The following MKLN1 variants were observed in gnomAD, a reference collection of about 807,000 sequenced individuals.
MKLN1 encodes muskelin.
A neutral mutation model predicts 99.0 loss-of-function variants in MKLN1; 18 were observed. That is an observed-to-expected ratio of 0.18 (90% CI 0.13 to 0.27). The LOEUF is 0.27. Ranked by LOEUF, MKLN1 falls within the 10% of genes least tolerant of loss-of-function variation. MKLN1 has a pLI of 1.00. For synonymous variants in MKLN1, 288 were observed against 293.2 expected (o/e 0.98, Z 0.18); for missense variants, 621 against 875.9 (o/e 0.71, Z 3.67).
At chr7:131,118,078 G>A (rs961876634) in intron 1 of MKLN1, among the ~76,000 whole-genome samples, 1 of 152,178 alleles carries the variant, frequency 6.6e-6, no homozygotes, top group African/African-American at 2.4e-5. Context: ...TCCCTCATGA[G>A]CCTATTGATG....
intron 3 of MKLN1, among the ~76,000 whole-genome samples, chr7:131,305,425 TGATGCAA>T (rs1798440800): frequency 6.6e-6 from 1 of 152,204 alleles, no homozygotes; most frequent in Non-Finnish European, 1.5e-5. Context: ...GGAAGAAATG[TGATGCAA>T]TCCAACAGGA....
At position 131,242,382 on chromosome 7, in the gene MKLN1, A is replaced by T. The variant is rs111860833; in HGVS notation, c.-179+39408A>T. On this transcript the variant is annotated intron_variant, in intron 3 of 7. Transcript: ENST00000416992. ...AGACTCCATCTCTACAAAAAATTTT[A>T]AAAATTAGCTGGTTATGGTGGGGCA... Among the ~76,000 whole-genome samples the T allele has an allele frequency of 5.8e-3, 876 of 152,192 alleles. 5 individuals carry two copies. Among genetic ancestry groups the T allele is most frequent in the African/African-American group, 0.02 (838 of 41,536 alleles).
chr7:131,408,210 C>T (rs1457996782), intron 6 of MKLN1, among the ~76,000 whole-genome samples: 1 of 152,002 alleles, frequency 6.6e-6, no homozygotes, highest in African/African-American at 2.4e-5. Context: ...CTAAGCTTTA[C>T]CGTCTTAGTA....
chr7:131,257,314 G>A (rs1228300687), intron 3 of MKLN1, among the ~76,000 whole-genome samples: 1 of 152,130 alleles, frequency 6.6e-6, no homozygotes, highest in Non-Finnish European at 1.5e-5. Flanking sequence ...AATAAGACAA[G>A]TGTGATAAAT....
intron 3 of MKLN1, among the ~76,000 whole-genome samples, chr7:131,228,937 G>A (rs1011027209): frequency 6.6e-6 from 1 of 152,188 alleles, no homozygotes; most frequent in African/African-American, 2.4e-5. Flanking sequence ...AGAAGTGACT[G>A]TAGCCCAGAG....
At chr7:131,175,350 A>G (rs569488651) in intron 2 of MKLN1, among the ~76,000 whole-genome samples, 93 of 152,338 alleles carry the variant, frequency 6.1e-4, no homozygotes, top group Middle Eastern at 3.4e-3. Context: ...CAATAGCTTA[A>G]GCAAAGACAG....
At chr7:131,310,839 C>T (rs1455193450) in intron 3 of MKLN1, 3 of 152,108 alleles carry the variant, frequency 2.0e-5, no homozygotes, top group East Asian at 3.8e-4. Flanking sequence ...AATAAGAGTA[C>T]TCATGAATAG....
At chr7:131,404,088 A>G (rs1406371247) in intron 6 of MKLN1, among the ~76,000 whole-genome samples, 1 of 152,134 alleles carries the variant, frequency 6.6e-6, no homozygotes, top group East Asian at 1.9e-4. Context: ...CTTTTCAGGT[A>G]TTGTATTTGA....
intron 2 of MKLN1, among the ~76,000 whole-genome samples, chr7:131,195,963 A>G (rs1176671377): frequency 6.6e-6 from 1 of 152,030 alleles, no homozygotes; most frequent in African/African-American, 2.4e-5. Flanking sequence ...AACAACAACA[A>G]CAACAAAAAC....
intron 1 of MKLN1, among the ~76,000 whole-genome samples, chr7:131,365,591 C>T (rs181222360): frequency 6.6e-6 from 1 of 152,062 alleles, no homozygotes; most frequent in Non-Finnish European, 1.5e-5. Context: ...ACATTTAAGT[C>T]TTTAATCTAT....
intron 2 of MKLN1, among the ~76,000 whole-genome samples, chr7:131,185,281 AC>A (rs1796432234): frequency 6.6e-6 from 1 of 152,046 alleles, no homozygotes. Flanking sequence ...CATCTTTTAA[AC>A]TACTTTCCCT....
chr7:131,297,955 T>C (rs1038884812), intron 3 of MKLN1, among the ~76,000 whole-genome samples: 1 of 152,194 alleles, frequency 6.6e-6, no homozygotes, highest in Non-Finnish European at 1.5e-5. Flanking sequence ...TCTTTGCCTC[T>C]TTGTGGAATT....
chr7:131,245,925 C>A (rs1797480388), intron 3 of MKLN1, among the ~76,000 whole-genome samples: 2 of 152,246 alleles, frequency 1.3e-5, no homozygotes, highest in African/African-American at 4.8e-5. Context: ...CCTCAGAGAC[C>A]ATCCTGTCCA....
At chr7:131,315,042 A>C (rs558214257) in intron 3 of MKLN1, among the ~76,000 whole-genome samples, 19 of 152,134 alleles carry the variant, frequency 1.2e-4, no homozygotes, top group South Asian at 1.0e-3. Context: ...GGGATTACAG[A>C]CATCAGCCAC....
At chr7:131,183,336 A>G (rs1796402177) in intron 2 of MKLN1, among the ~76,000 whole-genome samples, 1 of 152,130 alleles carries the variant, frequency 6.6e-6, no homozygotes, top group African/African-American at 2.4e-5. Flanking sequence ...CTTTCTGAGG[A>G]CCTATACTCA....
intron 3 of MKLN1, among the ~76,000 whole-genome samples, chr7:131,291,834 G>A (rs2116600955): frequency 6.6e-6 from 1 of 151,964 alleles, no homozygotes; most frequent in East Asian, 1.9e-4. Context: ...GCCAGGCATG[G>A]CAGCTCACAC....
intron 2 of MKLN1, among the ~76,000 whole-genome samples, chr7:131,163,911 C>T (rs543148853): frequency 2.6e-5 from 4 of 151,986 alleles, no homozygotes; most frequent in South Asian, 2.1e-4. Flanking sequence ...CTTCAAATAC[C>T]GAAGAGGATG....
At chr7:131,308,318 A>G (rs540081911) in intron 3 of MKLN1, among the ~76,000 whole-genome samples, 3 of 150,594 alleles carry the variant, frequency 2.0e-5, no homozygotes, top group East Asian at 2.0e-4. Context: ...CTGGAATGCA[A>G]TGGCATGATT....
At chr7:131,140,819 G>A (rs376244834) in intron 1 of MKLN1, among the ~76,000 whole-genome samples, 70 of 149,276 alleles carry the variant, frequency 4.7e-4, no homozygotes, top group African/African-American at 1.1e-3. Flanking sequence ...TCGCTTTGTC[G>A]CCCAGGCTGG....
Sources: allele counts gnomAD v4.1 joint callset (sites outside exome capture counted in the v4.1 genomes callset), GRCh38; gene constraint gnomAD v4.1.1; transcripts MANE v1.5; gene names NCBI Gene and HGNC (gene_info 2026-07-23, HGNC 2026-07-21).